The following RBFOX1 variants were observed in gnomAD, a reference collection of about 807,000 sequenced individuals.
RBFOX1 encodes the protein RNA binding fox-1 homolog 1, also known as RNA binding protein fox-1 homolog 1.
Under a neutral mutation model 57.7 loss-of-function variants are expected in RBFOX1, and 8 were observed. The ratio of observed to expected loss-of-function variants is 0.14; its 90% CI spans 0.08 to 0.25. The LOEUF is 0.25. Ranked by LOEUF, RBFOX1 falls within the 10% of genes least tolerant of loss-of-function variation. The pLI, the probability that RBFOX1 is intolerant of heterozygous loss-of-function variation, is 1.00. For missense variants in RBFOX1, 611 were observed against 548.5 expected (o/e 1.11, Z -1.14); for synonymous variants, 326 against 222.4 (o/e 1.47, Z -4.15).
chr16:5,609,508 C>T (rs1241446873), intron 3 of RBFOX1, among the ~76,000 whole-genome samples: 1 of 152,130 alleles, frequency 6.6e-6, no homozygotes, highest in African/African-American at 2.4e-5. Flanking sequence ...AGACAAAGGG[C>T]AGGATCGTCC....
At chr16:5,668,252 G>C (rs139125330) in intron 3 of RBFOX1, among the ~76,000 whole-genome samples, 31 of 152,242 alleles carry the variant, frequency 2.0e-4, no homozygotes, top group African/African-American at 7.2e-4. Context: ...CTGCACTCCA[G>C]CCTGGGCAAC....
At chr16:7,447,826 T>G (rs2098820559) in intron 4 of RBFOX1, among the ~76,000 whole-genome samples, 1 of 152,250 alleles carries the variant, frequency 6.6e-6, no homozygotes, top group East Asian at 1.9e-4. Flanking sequence ...GGAATGTAGT[T>G]GAATTAACCT....
chr16:7,705,921 T>C (rs775519262), intron 14 of RBFOX1, among the ~76,000 whole-genome samples: 3 of 152,338 alleles, frequency 2.0e-5, no homozygotes, highest in East Asian at 1.9e-4. Flanking sequence ...CTGACTGCAC[T>C]ACTGCCCACT....
At chr16:5,815,507 C>T (rs1463242727) in intron 3 of RBFOX1, among the ~76,000 whole-genome samples, 1 of 152,000 alleles carries the variant, frequency 6.6e-6, no homozygotes, top group Non-Finnish European at 1.5e-5. Flanking sequence ...CACTAATGGA[C>T]CAAGAAAAGG....
intron 4 of RBFOX1, among the ~76,000 whole-genome samples, chr16:7,421,775 C>A (rs1369689950): frequency 1.3e-5 from 2 of 152,214 alleles, no homozygotes; most frequent in Non-Finnish European, 2.9e-5. Flanking sequence ...TGGCATCGTG[C>A]TGTCGTCAGC....
At chr16:5,867,597 C>G (rs898252236) in intron 4 of RBFOX1, among the ~76,000 whole-genome samples, 3 of 152,196 alleles carry the variant, frequency 2.0e-5, no homozygotes, top group Non-Finnish European at 2.9e-5. Context: ...CATCATAATT[C>G]TAGCCCAGCT....
chr16:7,496,689 G>C (rs1242547305), intron 4 of RBFOX1, among the ~76,000 whole-genome samples: 2 of 57,268 alleles, frequency 3.5e-5, no homozygotes, highest in African/African-American at 1.3e-4. Context: ...CCTTAACAAA[G>C]ACTTTTTTTT....
Position 7,671,615 on chromosome 16 carries a change from T to G in RBFOX1, c.931-5159T>G, listed in dbSNP as rs780351349. On this transcript the variant is annotated intron_variant, in intron 13 of 15. Coordinates refer to ENST00000550418, the MANE Select transcript of RBFOX1 (RefSeq NM_018723.4). ...ATTGCTGCAGGTATGAAATCCCGACTGGTGGAGAAACTCATCACTATGATT... is the reference window on the plus strand; with the variant it reads ...ATTGCTGCAGGTATGAAATCCCGACGGGTGGAGAAACTCATCACTATGATT... The G allele has an allele frequency of 1.9e-6, 3 of 1,605,530 alleles. No individual in the cohort carries two copies. The East Asian group carries it at 6.7e-5, about 36-fold the overall frequency.
At chr16:6,690,595 T>C (rs1476552686) in intron 3 of RBFOX1, among the ~76,000 whole-genome samples, 1 of 152,030 alleles carries the variant, frequency 6.6e-6, no homozygotes, top group Non-Finnish European at 1.5e-5. Flanking sequence ...TATGTATCAT[T>C]ATTTAGTAAG....
intron 4 of RBFOX1, among the ~76,000 whole-genome samples, chr16:7,136,641 T>C (rs2072072947): frequency 6.6e-6 from 1 of 152,136 alleles, no homozygotes. Context: ...GATCTTGAAC[T>C]CCTGGCCTCA....
intron 1 of RBFOX1, among the ~76,000 whole-genome samples, chr16:5,381,459 C>T (rs1307655426): frequency 1.3e-5 from 2 of 152,188 alleles, no homozygotes; most frequent in South Asian, 4.1e-4. Context: ...CTCAGTAGGT[C>T]TGGGGCAGGG....
At chr16:7,060,259 C>G (rs1034866813) in intron 4 of RBFOX1, among the ~76,000 whole-genome samples, 2 of 152,232 alleles carry the variant, frequency 1.3e-5, no homozygotes, top group East Asian at 1.9e-4. Context: ...CTCAATAAAA[C>G]TTTATTTACA....
chr16:7,214,131 T>C (rs1461903259), intron 4 of RBFOX1, among the ~76,000 whole-genome samples: 1 of 152,188 alleles, frequency 6.6e-6, no homozygotes, highest in Non-Finnish European at 1.5e-5. Context: ...TCTTGTTCTC[T>C]GACCATTTAT....
At chr16:5,974,916 G>A (rs2060031968) in intron 4 of RBFOX1, among the ~76,000 whole-genome samples, 1 of 152,140 alleles carries the variant, frequency 6.6e-6, no homozygotes, top group Admixed American at 6.5e-5. Flanking sequence ...GCTGAGGCAG[G>A]AGAATTGCTG....
intron 3 of RBFOX1, among the ~76,000 whole-genome samples, chr16:6,786,996 A>G (rs529667246): frequency 2.6e-5 from 4 of 152,290 alleles, no homozygotes; most frequent in Admixed American, 1.3e-4. Flanking sequence ...CCATCTCACT[A>G]AAAACTTCCT....
intron 3 of RBFOX1, among the ~76,000 whole-genome samples, chr16:6,945,860 C>T (rs964686726): frequency 3.3e-5 from 5 of 152,176 alleles, no homozygotes; most frequent in Admixed American, 6.5e-5. Context: ...CACTGCACTC[C>T]CCACTGGGTG....
chr16:6,830,431 C>T (rs2092624392), intron 3 of RBFOX1, among the ~76,000 whole-genome samples: 1 of 152,014 alleles, frequency 6.6e-6, no homozygotes, highest in African/African-American at 2.4e-5. Flanking sequence ...AGAAAAATGT[C>T]ACAGGGACCG....
chr16:6,750,776 A>G (rs944943671), intron 3 of RBFOX1, among the ~76,000 whole-genome samples: 1 of 152,204 alleles, frequency 6.6e-6, no homozygotes, highest in African/African-American at 2.4e-5. Context: ...TGGACTAATT[A>G]TTCAGTGGTG....
intron 1 of RBFOX1, among the ~76,000 whole-genome samples, chr16:6,122,141 G>T (rs1358715452): frequency 6.6e-6 from 1 of 152,100 alleles, no homozygotes; most frequent in Non-Finnish European, 1.5e-5. Flanking sequence ...CCTGGCCTCA[G>T]ATGATCCGCC....
Sources: gnomAD v4.1 joint callset for allele counts (sites outside exome capture counted in the v4.1 genomes callset) on GRCh38, gnomAD v4.1.1 for gene constraint, MANE v1.5 for transcripts, NCBI Gene and HGNC (gene_info 2026-07-23, HGNC 2026-07-21) for gene names.